GPC6: variants seen among roughly 807,000 people sequenced by gnomAD.
GPC6 encodes glypican 6, also known as glypican-6.
A neutral mutation model predicts 55.2 loss-of-function variants in GPC6; 14 were observed. That is an observed-to-expected ratio of 0.25 (90% confidence interval 0.17 to 0.40). The LOEUF (loss-of-function observed/expected upper bound fraction) is 0.40, where lower values mean the gene tolerates loss of function less well. Among genes scored for constraint, GPC6 ranks in the 10% least tolerant of loss-of-function variants. The probability of loss-of-function intolerance (pLI) is 1.00; values close to 1 mark genes in which losing one functional copy is unlikely to be tolerated. For missense variants in GPC6, 641 were observed against 708.5 expected, an observed-to-expected ratio of 0.90 and a Z score of 1.08; for synonymous variants, 278 against 259.6, an observed-to-expected ratio of 1.07 and a Z score of -0.68.
chr13:93,396,059 G>A (rs964095638), intron 1 of GPC6, among the ~76,000 whole-genome samples: 16 of 152,164 alleles, frequency 1.1e-4, no homozygotes, highest in Non-Finnish European at 4.4e-5. Context: ...AGAAGAAATT[G>A]AGGTAGAGGT....
intron 7 of GPC6, among the ~76,000 whole-genome samples, chr13:94,385,778 A>G (rs1880374931): frequency 6.6e-6 from 1 of 152,186 alleles, no homozygotes; most frequent in Non-Finnish European, 1.5e-5. Flanking sequence ...CTAGAAAAAC[A>G]TCAAAGAAAT....
intron 4 of GPC6, among the ~76,000 whole-genome samples, chr13:94,183,749 G>T (rs1889076085): frequency 6.6e-6 from 1 of 152,112 alleles, no homozygotes; most frequent in Non-Finnish European, 1.5e-5. Context: ...ATTCTTCCCT[G>T]CATTATAGCC....
chr13:94,234,053 T>C (rs1382704987), intron 4 of GPC6, among the ~76,000 whole-genome samples: 1 of 152,078 alleles, frequency 6.6e-6, no homozygotes, highest in East Asian at 1.9e-4. Context: ...TGTTTATTTG[T>C]AGGGCAGTAA....
intron 7 of GPC6, among the ~76,000 whole-genome samples, chr13:94,384,777 T>G (rs1880327955): frequency 6.6e-6 from 1 of 152,202 alleles, no homozygotes; most frequent in Non-Finnish European, 1.5e-5. Flanking sequence ...CCCAGTATTT[T>G]TTTTATGGCA....
chr13:94,067,420 G>T (rs572348324), intron 4 of GPC6, among the ~76,000 whole-genome samples: 2 of 151,754 alleles, frequency 1.3e-5, no homozygotes, highest in Non-Finnish European at 2.9e-5. Context: ...TTATTATGCC[G>T]TATTCTGCTA....
At chr13:93,871,444 G>A (rs962728276) in intron 3 of GPC6, among the ~76,000 whole-genome samples, 1 of 151,872 alleles carries the variant, frequency 6.6e-6, no homozygotes, top group African/African-American at 2.4e-5. Flanking sequence ...ACTTCATAGA[G>A]GATAATCAGT....
chr13:93,299,340 T>C (rs891793041), intron 1 of GPC6, among the ~76,000 whole-genome samples: 1 of 152,364 alleles, frequency 6.6e-6, no homozygotes, highest in East Asian at 1.9e-4. Context: ...CAATGTAATA[T>C]ATTAATTCAG....
At chr13:93,668,443 C>A (rs1881229829) in intron 2 of GPC6, among the ~76,000 whole-genome samples, 1 of 152,134 alleles carries the variant, frequency 6.6e-6, no homozygotes, top group Non-Finnish European at 1.5e-5. Flanking sequence ...ATGTCCCTGT[C>A]CCAATCTCAG....
At chr13:93,666,625 G>A (rs1881147839) in intron 2 of GPC6, among the ~76,000 whole-genome samples, 1 of 152,140 alleles carries the variant, frequency 6.6e-6, no homozygotes, top group Non-Finnish European at 1.5e-5. Context: ...CTGAAATATA[G>A]TATATTTTGA....
In GPC6 at chr13:93,767,525, G is replaced by A. The variant is rs117335635; in HGVS notation, c.320-62629G>A. 9.7e-3 allele frequency among the ~76,000 whole-genome samples: 1,483 copies of A among 152,280 alleles called. 10 individuals carry two copies. The highest frequency in any genetic ancestry group is 0.016 in the Non-Finnish European group (1,075 of 68,012). On this transcript the variant is annotated intron_variant, in intron 2 of 8. Coordinates refer to ENST00000377047, the MANE Select transcript of GPC6 (RefSeq NM_005708.5). Reference sequence around the variant, plus strand: ...TTCTTCAAACAAAATGAACTGGAATGTAGAGCTAAAATAACCCCATTTTAG... The same window carrying A: ...TTCTTCAAACAAAATGAACTGGAATATAGAGCTAAAATAACCCCATTTTAG...
At chr13:94,155,922 T>G (rs1450845066) in intron 4 of GPC6, among the ~76,000 whole-genome samples, 6 of 152,114 alleles carry the variant, frequency 3.9e-5, no homozygotes. Context: ...CAGTACTGAC[T>G]AAGAACACAC....
intron 3 of GPC6, among the ~76,000 whole-genome samples, chr13:94,012,302 G>C (rs1283067308): frequency 6.6e-6 from 1 of 151,932 alleles, no homozygotes; most frequent in Non-Finnish European, 1.5e-5. Context: ...GTCCATGCTG[G>C]TACTTTGCAG....
intron 3 of GPC6, among the ~76,000 whole-genome samples, chr13:93,880,632 T>C (rs1054124318): frequency 1.3e-5 from 2 of 151,984 alleles, no homozygotes; most frequent in African/African-American, 4.8e-5. Context: ...AGTTAATGGG[T>C]GCAGTGCACC....
chr13:93,640,684 C>G (rs1036271851), intron 2 of GPC6, among the ~76,000 whole-genome samples: 7 of 149,318 alleles, frequency 4.7e-5, no homozygotes, highest in Non-Finnish European at 1.0e-4. Context: ...CTCCCTCCCT[C>G]CCCGCTCCCT....
At chr13:93,643,178 A>T (rs1880031728) in intron 2 of GPC6, among the ~76,000 whole-genome samples, 1 of 152,120 alleles carries the variant, frequency 6.6e-6, no homozygotes, top group Non-Finnish European at 1.5e-5. Flanking sequence ...TGTTTAATAT[A>T]CTTATTTTTA....
intron 2 of GPC6, among the ~76,000 whole-genome samples, chr13:93,716,992 T>C (rs1883272910): frequency 6.6e-6 from 1 of 151,656 alleles, no homozygotes; most frequent in African/African-American, 2.4e-5. Context: ...GTTTTCAGGC[T>C]AGGAGCAACA....
intron 2 of GPC6, among the ~76,000 whole-genome samples, chr13:93,698,617 G>A (rs1223111502): frequency 6.8e-6 from 1 of 146,654 alleles, no homozygotes; most frequent in Admixed American, 7.0e-5. Context: ...GAGTAACCTT[G>A]TACATTTCTG....
intron 4 of GPC6, among the ~76,000 whole-genome samples, chr13:94,142,759 G>C (rs1887427135): frequency 6.6e-6 from 1 of 151,446 alleles, no homozygotes; most frequent in East Asian, 1.9e-4. Flanking sequence ...GTCATAACTT[G>C]ATGTATATTC....
intron 1 of GPC6, among the ~76,000 whole-genome samples, chr13:93,442,757 C>A (rs1457021787): frequency 6.6e-6 from 1 of 152,030 alleles, no homozygotes; most frequent in East Asian, 1.9e-4. Flanking sequence ...AAAATTTGAG[C>A]TTTTTCTTTT....
Sources: allele counts gnomAD v4.1 joint callset (sites outside exome capture counted in the v4.1 genomes callset), GRCh38; gene constraint gnomAD v4.1.1; transcripts MANE v1.5; gene names NCBI Gene and HGNC (gene_info 2026-07-23, HGNC 2026-07-21).